Variants in ARRDC2 observed in about 807,000 individuals in gnomAD.
The protein encoded by ARRDC2 is arrestin domain-containing protein 2.
Under a neutral mutation model 38.9 loss-of-function variants are expected in ARRDC2, and 39 were observed. That is an observed-to-expected ratio of 1.00 (90% CI 0.78 to 1.31). The LOEUF is 1.31. ARRDC2 is among the 50% of genes most tolerant of loss of function. ARRDC2 has a pLI of 0.00. For synonymous variants in ARRDC2, 300 were observed against 261.9 expected (o/e 1.15, Z -1.41); for missense variants, 553 against 588.4 (o/e 0.94, Z 0.62).
intron 2 of ARRDC2, 37 bp from the exon 3 acceptor site, chr19:18,008,932 CTG>C (rs1568467172): frequency 1.9e-6 from 3 of 1,610,328 alleles, no homozygotes; most frequent in Non-Finnish European, 2.5e-6. Flanking sequence ...CTGCTTGTCT[CTG>C]TATCTTGTCC....
intron 6 of ARRDC2, 62 bp downstream of exon 6, chr19:18,010,420 G>A (rs2033388436): frequency 1.9e-6 from 3 of 1,573,348 alleles, no homozygotes; most frequent in African/African-American, 1.3e-5. Flanking sequence ...TGGATGCCGG[G>A]TCAACTCTCT....
At position 18,002,681 on chromosome 19, in the gene ARRDC2, A is replaced by T. The variant is rs142267772; in HGVS notation, c.259+1108A>T. Among the ~76,000 whole-genome samples, 844 of 152,342 alleles carry T rather than the reference A, an allele frequency of 5.5e-3. 10 individuals are homozygous for T. The highest frequency in any genetic ancestry group is 0.019 in the African/African-American group (807 of 41,570). On this transcript the variant is annotated intron_variant, in intron 1 of 7. Transcript: ENST00000379656. ...TTCCCTCCCCAGCGGTGGAAACAGA[A>T]GCAAGTGCGGTGGGGCAGGGCAGGA...
rs1220618112 is a variant in ARRDC2 at position 18,011,950 on chromosome 19, ATATT to A, written c.1171-961_1171-958del. Among the ~76,000 whole-genome samples, 371 of 56,502 alleles carry A rather than the reference ATATT, an allele frequency of 6.6e-3. 1 individual carries two copies. Among genetic ancestry groups the A allele is most frequent in the African/African-American group, 0.019 (305 of 16,084 alleles). 37.1% of individuals were successfully genotyped at this position (56,502 alleles called of 152,430 possible). ...TGTATATGTGTATATATATATATAT[ATATT>A]TTTTTTTTTTTTTTTTTTTTGAGAT... On this transcript the variant is annotated intron_variant, in intron 7 of 7. Coordinates refer to ENST00000222250, the MANE Select transcript of ARRDC2 (RefSeq NM_015683.2).
chr19:18,006,470 C>A (rs893742981), upstream of ARRDC2, among the ~76,000 whole-genome samples: 4 of 152,202 alleles, frequency 2.6e-5, no homozygotes, highest in South Asian at 2.1e-4. Context: ...ACCAAAAAAA[C>A]CAGTCAGGCG....
At position 18,008,291 on chromosome 19, in the gene ARRDC2, G is replaced by GGGTTCGCACCCCGGAC. The variant is rs1487741903; in HGVS notation, c.-18_-3dup. On this transcript the variant is annotated 5_prime_UTR_variant, in exon 1 of 8. Coordinates refer to ENST00000222250, the MANE Select transcript of ARRDC2 (RefSeq NM_015683.2). ...TTCGAGGCCAGGTTCCGCCTGTCGT[G>GGGTTCGCACCCCGGAC]GGTTCGCACCCCGGACGCGATGCTA... 2 of 1,588,436 alleles carry GGGTTCGCACCCCGGAC rather than the reference G, an allele frequency of 1.3e-6. No individual in the cohort carries two copies. Among genetic ancestry groups the GGGTTCGCACCCCGGAC allele is most frequent in the Non-Finnish European group, 1.7e-6 (2 of 1,176,010 alleles).
At chr19:18,005,896 C>T (rs2033265758), upstream of ARRDC2, among the ~76,000 whole-genome samples, 1 of 151,366 alleles carries the variant, frequency 6.6e-6, no homozygotes, top group Non-Finnish European at 1.5e-5. Flanking sequence ...CGGAGGGGCT[C>T]CTCACTTCTC....
chr19:18,002,322 G>A (rs1320130714), intron 1 of ARRDC2, among the ~76,000 whole-genome samples: 1 of 152,162 alleles, frequency 6.6e-6, no homozygotes, highest in Non-Finnish European at 1.5e-5. Context: ...CATTCTCCTG[G>A]GAGTCTGGGT....
upstream of ARRDC2, chr19:18,008,125 C>CG (rs201806774): frequency 1.2e-6 from 1 of 838,034 alleles, no homozygotes; most frequent in African/African-American, 2.0e-5. Flanking sequence ...GACCCCACCC[C>CG]CCCCCGCCCT....
Position 18,008,584 on chromosome 19 carries a change from G to A in ARRDC2, c.274G>A (p.Asp92Asn). Residue 92 changes from aspartate (D) to asparagine (N), a missense_variant and splice_region_variant, in exon 1 of 8, where the codon GAT becomes AAT. Around this residue, in one of 3 missense-constraint regions of ARRDC2, gnomAD observed 447 missense variants for 456.6 expected, o/e 0.98. Transcript: ENST00000222250. ...VSHRATLLAP[D>N]TGETTTLPPG... ...CCACCGCGCCACGCTCCTGGCGCCA[G>A]GTACGGATGGAGGACCCCTGCTCCA... is the stretch of plus-strand genomic sequence containing the variant. 3 of 1,589,086 alleles carry A rather than the reference G, an allele frequency of 1.9e-6. No individual in the cohort carries two copies. Among genetic ancestry groups the A allele is most frequent in the Middle Eastern group, 1.7e-4 (1 of 6,044 alleles).
chr19:18,008,138 C>CCCCCG, upstream of ARRDC2: 6 of 1,339,206 alleles, frequency 4.5e-6, no homozygotes, highest in Non-Finnish European at 4.8e-6. Flanking sequence ...CCCGCCCTGC[C>CCCCCG]GTATAAAAGC....
upstream of ARRDC2, among the ~76,000 whole-genome samples, chr19:18,005,895 T>G (rs2033265711): frequency 6.9e-6 from 1 of 145,302 alleles, no homozygotes; most frequent in Non-Finnish European, 1.5e-5. Context: ...GCGGAGGGGC[T>G]CCTCACTTCT....
upstream of ARRDC2, chr19:18,008,114 T>TGGGG: frequency 4.1e-5 from 43 of 1,056,174 alleles, no homozygotes; most frequent in Non-Finnish European, 5.0e-5. Context: ...GAAGAGACGG[T>TGGGG]GACCCCACCC....
rs948320135 is a variant in ARRDC2 at position 18,008,527 on chromosome 19, C to T, written c.217C>T (p.Gln73Ter). 1 of 1,546,562 alleles carries T rather than the reference C, an allele frequency of 6.5e-7. No individual in the cohort carries two copies. Among genetic ancestry groups the T allele is most frequent in the Non-Finnish European group, 8.7e-7 (1 of 1,153,640 alleles). The change falls in exon 1 of 8, where the codon CAG becomes TAG. Residue 73 changes from glutamine to a stop codon, truncating the protein, a stop_gained. Transcript: ENST00000222250. LOFTEE classifies it high-confidence loss of function. ...CGCGGGCTCGAGCACGGCTTACACGCAGAGCTACAGTGAACGCGTGGAGGT... is the reference window on the plus strand; with the variant it reads ...CGCGGGCTCGAGCACGGCTTACACGTAGAGCTACAGTGAACGCGTGGAGGT... ...RSAGSSTAYT[Q>*]SYSERVEVVS...
chr19:18,012,339 C>A (rs2033431449), intron 7 of ARRDC2, among the ~76,000 whole-genome samples: 1 of 151,832 alleles, frequency 6.6e-6, no homozygotes, highest in Admixed American at 6.6e-5. Flanking sequence ...GTAATCCCAG[C>A]ACTTTGGGAG....
rs771759810 is a variant in ARRDC2, at chr19:18,008,701, C to T, written c.275-10C>T. 1.2e-6 allele frequency: 2 copies of T among 1,612,914 alleles called. No homozygotes were observed. The highest frequency in any genetic ancestry group is 2.2e-5 in the South Asian group (2 of 91,084). On this transcript the variant is annotated splice_polypyrimidine_tract_variant and intron_variant, in intron 1 of 7. Coordinates refer to ENST00000222250, the MANE Select transcript of ARRDC2 (RefSeq NM_015683.2). ...ACCGCTCAGTCGCCTCCTTTTTCTC[C>T]TACCTGCAGATACCGGGGAGACCAC... is the stretch of plus-strand genomic sequence containing the variant.
chr19:18,003,744 A>G (rs985143650), upstream of ARRDC2, among the ~76,000 whole-genome samples: 2 of 151,860 alleles, frequency 1.3e-5, no homozygotes, highest in Non-Finnish European at 2.9e-5. Flanking sequence ...GGTTCACGCC[A>G]TTCTCCTGCC....
rs566910257 is a variant in ARRDC2, at chr19:18,008,814, C to T, written c.341+37C>T. 1.9e-6 allele frequency: 3 copies of T among 1,609,462 alleles called. No homozygotes were observed. In the Admixed American group the frequency reaches 5.0e-5, roughly 27 times the overall value. On this transcript the variant is annotated intron_variant, in intron 2 of 7. Coordinates refer to ENST00000222250, the MANE Select transcript of ARRDC2 (RefSeq NM_015683.2). ...GGGGTGCAGGGTTGCCCTAAGCCTG[C>T]AGCCCCTTCCAGATTGGTACCTCCA...
chr19:18,007,093 T>G (rs976506485), upstream of ARRDC2: 12 of 152,532 alleles, frequency 7.9e-5, no homozygotes, highest in African/African-American at 2.9e-4. Context: ...TGAGCCAGGC[T>G]CAGAGGCGGA....
In ARRDC2 at chr19:18,001,672, G is replaced by A. The variant is rs1599391037; in HGVS notation, c.259+99G>A. Reference sequence around the variant, plus strand: ...CTCTCAACTTAGAACCTATGCGGTCGGGTGATCCTTTTCAAGGAGGGGGAA... The same window carrying A: ...CTCTCAACTTAGAACCTATGCGGTCAGGTGATCCTTTTCAAGGAGGGGGAA... On this transcript the variant is annotated intron_variant, in intron 1 of 7. Coordinates refer to the ARRDC2 transcript ENST00000379656. The A allele has an allele frequency of 4.9e-6, 6 of 1,218,826 alleles. No individual in the cohort carries two copies. In the East Asian group the frequency reaches 1.3e-4, roughly 26 times the overall value. The allele number at this position is 1,218,826 out of a possible 1,614,324, so 75.5% of individuals were successfully genotyped here. A position where few individuals can be genotyped will look rare whatever the true frequency, so the allele number is the denominator to read the frequency against.
Sources: allele counts gnomAD v4.1 joint callset (sites outside exome capture counted in the v4.1 genomes callset), GRCh38; gene constraint gnomAD v4.1.1; regional missense constraint gnomAD v4.1.1; transcripts MANE v1.5; gene names NCBI Gene and HGNC (gene_info 2026-07-23, HGNC 2026-07-21).